Variants in ABCA10 observed in about 807,000 individuals in gnomAD.
ABCA10 encodes ATP-binding cassette sub-family A member 10.
Under a neutral mutation model 187.5 loss-of-function variants are expected in ABCA10, and 169 were observed. That is an observed-to-expected ratio of 0.90 (90% CI 0.80 to 1.02). The LOEUF (loss-of-function observed/expected upper bound fraction) is 1.02. Ranked by LOEUF, ABCA10 falls within the 50% of genes least tolerant of loss-of-function variation. ABCA10 has a pLI of 0.00. For synonymous variants in ABCA10, 574 were observed against 601.8 expected, an observed-to-expected ratio of 0.95 and a Z score of 0.68; for missense variants, 1,727 against 1,812.4, an observed-to-expected ratio of 0.95 and a Z score of 0.86.
At chr17:69,201,476 A>G (rs756498704) in intron 10 of ABCA10, 24 bp downstream of exon 10, 2 of 1,545,178 alleles carry the variant, frequency 1.3e-6, no homozygotes, top group Admixed American at 2.1e-5. Context: ...ATAAGTGTAC[A>G]TAGTCATGTA....
intron 20 of ABCA10, among the ~76,000 whole-genome samples, chr17:69,183,182 ATATACC>A (rs2074393591): frequency 6.6e-6 from 1 of 152,190 alleles, no homozygotes; most frequent in Admixed American, 6.5e-5. Flanking sequence ...TACATACAAA[ATATACC>A]TCATGACCCA....
At chr17:69,210,847 CATAT>C (rs57227408) in intron 9 of ABCA10, among the ~76,000 whole-genome samples, 5 of 37,878 alleles carry the variant, frequency 1.3e-4, no homozygotes, top group Admixed American at 5.7e-4. Flanking sequence ...ATTTATGCCA[CATAT>C]ATATATATAT....
intron 10 of ABCA10, among the ~76,000 whole-genome samples, chr17:69,199,923 A>G (rs1055005759): frequency 6.6e-6 from 1 of 152,254 alleles, no homozygotes; most frequent in African/African-American, 2.4e-5. Context: ...AATAGCTATA[A>G]AAGTTTTCAT....
At chr17:69,199,779 C>T (rs533949680) in intron 10 of ABCA10, among the ~76,000 whole-genome samples, 5 of 152,248 alleles carry the variant, frequency 3.3e-5, no homozygotes, top group South Asian at 4.2e-4. Context: ...GACGAGCTTT[C>T]GGCCTGACAA....
intron 9 of ABCA10, among the ~76,000 whole-genome samples, chr17:69,206,830 G>C (rs1026743393): frequency 2.6e-5 from 4 of 152,164 alleles, no homozygotes; most frequent in Admixed American, 1.3e-4. Flanking sequence ...GGAAACGGGG[G>C]AGAGGGGAGC....
chr17:69,186,088 T>C (rs1266538307), intron 19 of ABCA10, among the ~76,000 whole-genome samples: 1 of 152,206 alleles, frequency 6.6e-6, no homozygotes, highest in African/African-American at 2.4e-5. Context: ...ATTTTAATTT[T>C]CAGGAAACTA....
At chr17:69,194,549 G>A in intron 11 of ABCA10, 54 bp from the exon 12 acceptor site, 4 of 1,326,380 alleles carry the variant, frequency 3.0e-6, no homozygotes, top group Non-Finnish European at 4.2e-6. Context: ...CAGATGGAAT[G>A]GACCTTAAAA....
At chr17:69,179,750 G>A (rs1445141008) in intron 22 of ABCA10, among the ~76,000 whole-genome samples, 1 of 152,102 alleles carries the variant, frequency 6.6e-6, no homozygotes, top group Admixed American at 6.6e-5. Flanking sequence ...AACACCCAGA[G>A]GCCCTGGCAA....
chr17:69,170,313 A>G (rs2074287970), intron 25 of ABCA10, among the ~76,000 whole-genome samples: 1 of 151,056 alleles, frequency 6.6e-6, no homozygotes, highest in Non-Finnish European at 1.5e-5. Flanking sequence ...ATTACGTTAC[A>G]TTTTGTAAAT....
chr17:69,241,027 C>T (rs1188388980), intron 1 of ABCA10, among the ~76,000 whole-genome samples: 1 of 152,194 alleles, frequency 6.6e-6, no homozygotes. Context: ...GCTCACTGGA[C>T]ATCTCCACTT....
At chr17:69,181,065 T>G in intron 22 of ABCA10, among the ~76,000 whole-genome samples, 1 of 152,058 alleles carries the variant, frequency 6.6e-6, no homozygotes. Flanking sequence ...ACAATAGAAC[T>G]GTTAAAAAAT....
intron 9 of ABCA10, among the ~76,000 whole-genome samples, chr17:69,206,805 G>C (rs1354439503): frequency 6.6e-6 from 1 of 152,148 alleles, no homozygotes; most frequent in Non-Finnish European, 1.5e-5. Flanking sequence ...ACCTGAAACT[G>C]TAAAACTACT....
rs752983175 is a variant in ABCA10 at position 69,192,528 on chromosome 17, G to A, written c.1871+35C>T. ...CAAAATGTCACCCTCATATTAATATGCTCATTTAAAAATAACTACACCTAG... is the reference window on the plus strand; with the variant it reads ...CAAAATGTCACCCTCATATTAATATACTCATTTAAAAATAACTACACCTAG... On this transcript the variant is annotated intron_variant, in intron 16 of 38. Coordinates refer to ENST00000690296, the MANE Select transcript of ABCA10 (RefSeq NM_001377321.1). The A allele has an allele frequency of 1.4e-4, 216 of 1,521,174 alleles. 3 individuals are homozygous for A. The South Asian group carries it at 1.9e-3, about 13-fold the overall frequency. The allele number at this position is 1,521,174 out of a possible 1,614,324, so 94.2% of individuals were successfully genotyped here. A position where few individuals can be genotyped will look rare whatever the true frequency, so the allele number is the denominator to read the frequency against.
chr17:69,215,710 A>G, intron 8 of ABCA10, 105 bp downstream of exon 8: 30 of 1,134,048 alleles, frequency 2.6e-5, no homozygotes, highest in Non-Finnish European at 3.4e-5. Flanking sequence ...GAATTTCTTA[A>G]AACACAGAGT....
chr17:69,229,942 C>T (rs1396719781), upstream of ABCA10, among the ~76,000 whole-genome samples: 2 of 151,772 alleles, frequency 1.3e-5, no homozygotes, highest in Admixed American at 6.6e-5. Context: ...TTTTTATTTC[C>T]ATAATTGCTG....
chr17:69,221,343 C>G (rs146510216), intron 5 of ABCA10, among the ~76,000 whole-genome samples: 36 of 152,210 alleles, frequency 2.4e-4, no homozygotes, highest in African/African-American at 8.7e-4. Context: ...TTTCAAGAAA[C>G]TTAGCCATTA....
chr17:69,182,065 G>A (rs758497427), intron 22 of ABCA10, 88 bp downstream of exon 22: 180 of 1,275,922 alleles, frequency 1.4e-4, no homozygotes, highest in Non-Finnish European at 1.8e-4. Context: ...GCAGAAACAA[G>A]ATTTGAACTC....
chr17:69,211,003 GA>G (rs2074643874), intron 9 of ABCA10, among the ~76,000 whole-genome samples: 2 of 151,122 alleles, frequency 1.3e-5, no homozygotes, highest in South Asian at 4.2e-4. Flanking sequence ...GATGTCGTGA[GA>G]AGGGAACACA....
At position 69,148,925 on chromosome 17, in the gene ABCA10, C is replaced by T. The variant is rs1191491678; in HGVS notation, c.4534G>A (p.Val1512Ile). ...TGCTCTTTACAGAGTTCTAAGAATA[C>T]CTAAGTAAGAGAAAATAAAAAAGAT... ...YSLSQATLEQ[V>I]FLELCKEQEL... The change falls in exon 39 of 39, where the codon GTA (valine) becomes ATA (isoleucine). Residue 1512 changes from valine (V) to isoleucine (I), a missense_variant and splice_region_variant. Physicochemically the swap from Val to Ile is conservative, Grantham distance 29. Coordinates refer to ENST00000690296, the MANE Select transcript of ABCA10 (RefSeq NM_001377321.1). 1.2e-6 allele frequency: 2 copies of T among 1,613,030 alleles called. No homozygotes were observed. Among genetic ancestry groups the T allele is most frequent in the African/African-American group, 1.3e-5 (1 of 74,834 alleles).
Sources: allele counts gnomAD v4.1 joint callset (sites outside exome capture counted in the v4.1 genomes callset), GRCh38; gene constraint gnomAD v4.1.1; transcripts MANE v1.5; gene names NCBI Gene and HGNC (gene_info 2026-07-23, HGNC 2026-07-21).